SLC24A3: variants seen among roughly 807,000 people sequenced by gnomAD.
SLC24A3 encodes solute carrier family 24 member 3, also known as sodium/potassium/calcium exchanger 3.
Under a neutral mutation model 75.8 loss-of-function variants are expected in SLC24A3, and 28 were observed. That is an observed-to-expected ratio of 0.37 (90% CI 0.27 to 0.51). The LOEUF is 0.51. Among genes scored for constraint, SLC24A3 ranks in the 20% least tolerant of loss-of-function variants. SLC24A3 has a pLI of 0.94. For synonymous variants in SLC24A3, 372 were observed against 334.1 expected (o/e 1.11, Z -1.24); for missense variants, 663 against 847.8 (o/e 0.78, Z 2.71).
intron 2 of SLC24A3, among the ~76,000 whole-genome samples, chr20:19,402,782 T>G (rs1274420767): frequency 6.6e-6 from 1 of 152,152 alleles, no homozygotes; most frequent in African/African-American, 2.4e-5. Context: ...CAGGGGGTGA[T>G]GTAGTTCAAG....
intron 1 of SLC24A3, among the ~76,000 whole-genome samples, chr20:19,254,409 G>A (rs1210837076): frequency 6.6e-6 from 1 of 152,170 alleles, no homozygotes; most frequent in East Asian, 1.9e-4. Flanking sequence ...TTCTGAGGCT[G>A]CATTTCAGGC....
chr20:19,686,426 G>T (rs1364464305), intron 12 of SLC24A3, among the ~76,000 whole-genome samples: 1 of 152,230 alleles, frequency 6.6e-6, no homozygotes, highest in Non-Finnish European at 1.5e-5. Context: ...CAAGCCCAAA[G>T]AATTCAGCCT....
chr20:19,346,939 G>A (rs187286296), intron 2 of SLC24A3, among the ~76,000 whole-genome samples: 2 of 152,136 alleles, frequency 1.3e-5, no homozygotes, highest in East Asian at 3.9e-4. Context: ...AATAGAACAG[G>A]ATAGACAGCC....
chr20:19,696,062 G>A lies in SLC24A3; in HGVS notation c.1492-735G>A, dbSNP rs6046257. Among the ~76,000 whole-genome samples the A allele has an allele frequency of 1.9e-3, 227 of 122,074 alleles. 2 individuals carry two copies. Among genetic ancestry groups the A allele is most frequent in the African/African-American group, 6.7e-3 (218 of 32,620 alleles). 80.1% of individuals were successfully genotyped at this position (122,074 alleles called of 152,430 possible). Reference sequence around the variant, plus strand: ...AGACAGGGTCTCACTGTGTTGCCGAGGCTGGAGTACAATGGCACTATCACA... The same window carrying A: ...AGACAGGGTCTCACTGTGTTGCCGAAGCTGGAGTACAATGGCACTATCACA... On this transcript the variant is annotated intron_variant, in intron 13 of 16. Coordinates refer to ENST00000328041, the MANE Select transcript of SLC24A3 (RefSeq NM_020689.4).
intron 7 of SLC24A3, among the ~76,000 whole-genome samples, chr20:19,663,432 TCCG>T (rs1568689566): frequency 1.4e-5 from 1 of 71,918 alleles, no homozygotes; most frequent in African/African-American, 9.2e-5. Flanking sequence ...CTCCTCCTCC[TCCG>T]CCTTCTCATC....
At chr20:19,418,983 C>A (rs753611634) in intron 2 of SLC24A3, among the ~76,000 whole-genome samples, 2 of 152,158 alleles carry the variant, frequency 1.3e-5, no homozygotes, top group Non-Finnish European at 2.9e-5. Context: ...AAAAAGAAGT[C>A]ATTGGCCACC....
At chr20:19,228,319 T>G (rs747027032) in intron 1 of SLC24A3, among the ~76,000 whole-genome samples, 11 of 152,146 alleles carry the variant, frequency 7.2e-5, no homozygotes, top group Non-Finnish European at 1.2e-4. Flanking sequence ...TGTGGAAGTT[T>G]CCTTTCATTT....
intron 2 of SLC24A3, among the ~76,000 whole-genome samples, chr20:19,362,416 C>T (rs1280403226): frequency 6.6e-6 from 1 of 152,176 alleles, no homozygotes; most frequent in Non-Finnish European, 1.5e-5. Flanking sequence ...TTGAGCTCAG[C>T]GCTTTTTCGT....
intron 2 of SLC24A3, among the ~76,000 whole-genome samples, chr20:19,350,596 A>G (rs1600442946): frequency 6.6e-6 from 1 of 152,302 alleles, no homozygotes; most frequent in African/African-American, 2.4e-5. Flanking sequence ...ATCATTCTCA[A>G]TCTTGAGCTC....
intron 2 of SLC24A3, among the ~76,000 whole-genome samples, chr20:19,474,355 C>A (rs948021572): frequency 6.6e-6 from 1 of 152,178 alleles, no homozygotes; most frequent in Non-Finnish European, 1.5e-5. Context: ...GAAGACTGCA[C>A]AACCCGGATT....
intron 6 of SLC24A3, among the ~76,000 whole-genome samples, chr20:19,612,588 C>T (rs1249798554): frequency 6.9e-6 from 1 of 145,870 alleles, no homozygotes; most frequent in Non-Finnish European, 1.5e-5. Context: ...AAAAATAAAA[C>T]TCAAGAACCC....
intron 2 of SLC24A3, among the ~76,000 whole-genome samples, chr20:19,497,300 C>T (rs1381208359): frequency 6.6e-6 from 1 of 152,136 alleles, no homozygotes; most frequent in Non-Finnish European, 1.5e-5. Flanking sequence ...GTAGAAGGGG[C>T]TAGGACCGTT....
intron 2 of SLC24A3, among the ~76,000 whole-genome samples, chr20:19,400,177 A>G (rs2122402918): frequency 6.6e-6 from 1 of 152,144 alleles, no homozygotes; most frequent in East Asian, 1.9e-4. Context: ...TCCTTTGTAC[A>G]GTTGGTCATT....
chr20:19,444,314 G>C (rs1390510910), intron 2 of SLC24A3, among the ~76,000 whole-genome samples: 1 of 152,084 alleles, frequency 6.6e-6, no homozygotes, highest in African/African-American at 2.4e-5. Context: ...TAATTTATCT[G>C]GTTTGGTACT....
intron 2 of SLC24A3, among the ~76,000 whole-genome samples, chr20:19,416,488 C>T (rs1014868210): frequency 6.6e-6 from 1 of 152,092 alleles, no homozygotes; most frequent in African/African-American, 2.4e-5. Context: ...TAATGAAGAC[C>T]TTTGATTGAT....
intron 7 of SLC24A3, among the ~76,000 whole-genome samples, chr20:19,662,661 A>G (rs1217367845): frequency 6.6e-6 from 1 of 152,238 alleles, no homozygotes; most frequent in Non-Finnish European, 1.5e-5. Context: ...CTTCTACACT[A>G]GTAATACTTA....
chr20:19,504,817 C>T (rs1025645146), intron 2 of SLC24A3, among the ~76,000 whole-genome samples: 2 of 152,230 alleles, frequency 1.3e-5, no homozygotes, highest in African/African-American at 2.4e-5. Context: ...AATGAGAATT[C>T]ATTAGTGACA....
intron 15 of SLC24A3, among the ~76,000 whole-genome samples, chr20:19,709,564 G>A (rs2032968085): frequency 6.6e-6 from 1 of 152,042 alleles, no homozygotes; most frequent in Non-Finnish European, 1.5e-5. Context: ...GGAAGTCGCA[G>A]TGAACTGAGA....
At chr20:19,226,764 T>C (rs1185204765) in intron 1 of SLC24A3, among the ~76,000 whole-genome samples, 4 of 152,218 alleles carry the variant, frequency 2.6e-5, no homozygotes, top group South Asian at 4.1e-4. Context: ...AATAACTTGC[T>C]CAAGGTCACA....
Sources: allele counts gnomAD v4.1 joint callset (sites outside exome capture counted in the v4.1 genomes callset), GRCh38; gene constraint gnomAD v4.1.1; transcripts MANE v1.5; gene names NCBI Gene and HGNC (gene_info 2026-07-23, HGNC 2026-07-21).